Variants in ACAP2 observed in about 807,000 individuals in gnomAD.
ACAP2 encodes arf-GAP with coiled-coil, ANK repeat and PH domain-containing protein 2.
A neutral mutation model predicts 115.8 loss-of-function variants in ACAP2; 39 were observed. The ratio of observed to expected loss-of-function variants is 0.34; its 90% CI spans 0.26 to 0.44. The LOEUF (loss-of-function observed/expected upper bound fraction) is 0.44. Among genes scored for constraint, ACAP2 ranks in the 20% least tolerant of loss-of-function variants. The pLI, the probability that ACAP2 is intolerant of heterozygous loss-of-function variation, is 1.00. For synonymous variants in ACAP2, 289 were observed against 315.8 expected, an observed-to-expected ratio of 0.92 and a Z score of 0.90; for missense variants, 662 against 927.6, an observed-to-expected ratio of 0.71 and a Z score of 3.72.
chr3:195,405,504 G>C (rs1712688422), intron 1 of ACAP2, among the ~76,000 whole-genome samples: 1 of 152,068 alleles, frequency 6.6e-6, no homozygotes, highest in Admixed American at 6.5e-5. Context: ...GATCAACGTG[G>C]TGAAACCCCC....
At position 195,422,092 on chromosome 3, in the gene ACAP2, G is replaced by GT. The variant is rs1367679535; in HGVS notation, c.53+20702dup. Among the ~76,000 whole-genome samples the GT allele has an allele frequency of 1.8e-4, 28 of 152,292 alleles. No homozygotes were observed. The South Asian group carries it at 5.2e-3, about 28-fold the overall frequency. On this transcript the variant is annotated intron_variant, in intron 1 of 22. Coordinates refer to ENST00000326793, the MANE Select transcript of ACAP2 (RefSeq NM_012287.6). ...AAAAAAATGAGGTATCAGAGGTTAT[G>GT]TTTTTTAACCTCTTATGAAATGAAT...
intron 4 of ACAP2, among the ~76,000 whole-genome samples, chr3:195,352,553 C>G (rs535597363): frequency 6.6e-6 from 1 of 152,260 alleles, no homozygotes; most frequent in South Asian, 2.1e-4. Flanking sequence ...AAACTATATG[C>G]CTACACAGAT....
chr3:195,358,923 T>C (rs1263023067), intron 4 of ACAP2, among the ~76,000 whole-genome samples: 1 of 152,044 alleles, frequency 6.6e-6, no homozygotes, highest in Non-Finnish European at 1.5e-5. Context: ...AAAGAAAGGA[T>C]TCTAAAAGCA....
rs113906624 is a variant in ACAP2, at chr3:195,441,432, T to A, written c.53+1363A>T. Among the ~76,000 whole-genome samples, 500 of 152,352 alleles carry A rather than the reference T, an allele frequency of 3.3e-3. 3 individuals are homozygous for A. The highest frequency in any genetic ancestry group is 0.011 in the African/African-American group (473 of 41,576). The stretch of plus-strand genomic sequence containing the variant: ...AGCTATCAAAGGAAGTGGGTTTTTT[T>A]AAATAATAGCCCTAGGCTCCAATAA... On this transcript the variant is annotated intron_variant, in intron 1 of 22. Transcript: ENST00000326793.
intron 15 of ACAP2, among the ~76,000 whole-genome samples, chr3:195,299,810 CT>C (rs1317732816): frequency 6.6e-6 from 1 of 151,990 alleles, no homozygotes; most frequent in African/African-American, 2.4e-5. Flanking sequence ...TGCACTCCAG[CT>C]TGGGCGACAC....
chr3:195,410,451 GAC>G (rs1266944922), intron 1 of ACAP2, among the ~76,000 whole-genome samples: 1 of 152,082 alleles, frequency 6.6e-6, no homozygotes, highest in Non-Finnish European at 1.5e-5. Context: ...TGTATCAAAA[GAC>G]ACAGAGTAAA....
intron 1 of ACAP2, among the ~76,000 whole-genome samples, chr3:195,428,500 T>C (rs1714860665): frequency 6.6e-6 from 1 of 152,064 alleles, no homozygotes; most frequent in South Asian, 2.1e-4. Context: ...TATGTTTAGA[T>C]ACACAAATGC....
At chr3:195,314,660 T>C (rs1037644219) in intron 10 of ACAP2, among the ~76,000 whole-genome samples, 13 of 152,064 alleles carry the variant, frequency 8.5e-5, no homozygotes, top group South Asian at 2.1e-4. Flanking sequence ...TACCCTATGG[T>C]GACTAAAACA....
chr3:195,357,106 G>A (rs1732024199), intron 4 of ACAP2, among the ~76,000 whole-genome samples: 1 of 151,838 alleles, frequency 6.6e-6, no homozygotes. Flanking sequence ...TGCCCTGAAG[G>A]GTGGGTCCCA....
chr3:195,386,646 C>T (rs570179330), intron 2 of ACAP2, among the ~76,000 whole-genome samples: 7 of 151,910 alleles, frequency 4.6e-5, no homozygotes, highest in Non-Finnish European at 7.4e-5. Flanking sequence ...CTGTCAGGTG[C>T]GGGGCAAGGG....
At chr3:195,378,063 G>C (rs1733673468) in intron 4 of ACAP2, among the ~76,000 whole-genome samples, 1 of 147,616 alleles carries the variant, frequency 6.8e-6, no homozygotes. Context: ...GAAGAGGGAG[G>C]GAGGGAGGGA....
chr3:195,312,485 G>A (rs1261193019), intron 10 of ACAP2, among the ~76,000 whole-genome samples: 1 of 150,946 alleles, frequency 6.6e-6, no homozygotes, highest in Non-Finnish European at 1.5e-5. Flanking sequence ...ATTTTTTTTA[G>A]AGACAGGGCC....
At chr3:195,343,538 A>AC (rs1731007344) in intron 5 of ACAP2, among the ~76,000 whole-genome samples, 3 of 152,084 alleles carry the variant, frequency 2.0e-5, no homozygotes, top group East Asian at 3.9e-4. Context: ...CGATCCTCAC[A>AC]CCTCATGCCT....
intron 1 of ACAP2, among the ~76,000 whole-genome samples, chr3:195,412,390 GC>G (rs1410466372): frequency 3.3e-5 from 5 of 150,852 alleles, no homozygotes; most frequent in Non-Finnish European, 7.4e-5. Flanking sequence ...GACCAGCCTG[GC>G]CAACATGGTG....
chr3:195,297,398 A>T (rs2108947461), intron 15 of ACAP2, 117 bp from the exon 16 acceptor site: 1 of 743,096 alleles, frequency 1.3e-6, no homozygotes. Flanking sequence ...CATTCTGCAG[A>T]TGCTTATTCT....
intron 20 of ACAP2, 52 bp downstream of exon 20, chr3:195,291,654 C>G (rs1417160251): frequency 6.7e-7 from 1 of 1,485,092 alleles, no homozygotes; most frequent in African/African-American, 1.4e-5. Context: ...AACATTAATT[C>G]AAAATAATTT....
chr3:195,367,386 A>G (rs115219558), intron 4 of ACAP2, among the ~76,000 whole-genome samples: 2 of 152,286 alleles, frequency 1.3e-5, no homozygotes, highest in African/African-American at 4.8e-5. Flanking sequence ...TTTTTCAATT[A>G]TATGCTACAC....
rs368760846 is a variant in ACAP2, at chr3:195,291,677, C to A, written c.2063+29G>T. On this transcript the variant is annotated intron_variant, in intron 20 of 22. Transcript: ENST00000326793. ...TTCAAAATAATTTTTCAAATAAAGT[C>A]TCCTTAAATATGAAAGCACTGCAGT... 1.7e-4 allele frequency: 261 copies of A among 1,536,152 alleles called. No homozygotes were observed. In the African/African-American group the frequency reaches 3.2e-3, roughly 19 times the overall value.
intron 10 of ACAP2, among the ~76,000 whole-genome samples, chr3:195,317,266 A>G (rs1158524868): frequency 6.6e-6 from 1 of 152,200 alleles, no homozygotes; most frequent in Non-Finnish European, 1.5e-5. Flanking sequence ...ACCCATTTTA[A>G]TAAAACATTA....
Sources: allele counts gnomAD v4.1 joint callset (sites outside exome capture counted in the v4.1 genomes callset), GRCh38; gene constraint gnomAD v4.1.1; transcripts MANE v1.5; gene names NCBI Gene and HGNC (gene_info 2026-07-23, HGNC 2026-07-21).